The following SUPT3H variants were observed in gnomAD, a reference collection of about 807,000 sequenced individuals.
SUPT3H encodes the protein transcription initiation protein SPT3 homolog.
SUPT3H carries 44 observed loss-of-function variants against 44.3 expected under a neutral mutation model. That is an observed-to-expected ratio of 0.99 (90% CI 0.78 to 1.28). The LOEUF (loss-of-function observed/expected upper bound fraction) is 1.28, where lower values mean the gene tolerates loss of function less well. Among genes scored for constraint, SUPT3H ranks in the 50% most tolerant of loss-of-function variants. The pLI, the probability that SUPT3H is intolerant of heterozygous loss-of-function variation, is 0.00. For synonymous variants in SUPT3H, 124 were observed against 125.6 expected (o/e 0.99, Z 0.09); for missense variants, 380 against 387.1 (o/e 0.98, Z 0.15).
chr6:45,194,660 T>G (rs1034876920), intron 2 of SUPT3H, among the ~76,000 whole-genome samples: 2 of 152,076 alleles, frequency 1.3e-5, no homozygotes, highest in African/African-American at 4.8e-5. Flanking sequence ...TTCTCTAAAG[T>G]GGCATCAAGG....
intron 2 of SUPT3H, among the ~76,000 whole-genome samples, chr6:45,278,855 A>G (rs971348623): frequency 5.9e-5 from 9 of 152,232 alleles, no homozygotes; most frequent in Non-Finnish European, 1.2e-4. Context: ...CAAATTATTC[A>G]TGAATAAGAC....
At chr6:45,134,540 A>T (rs1277226623) in intron 2 of SUPT3H, among the ~76,000 whole-genome samples, 1 of 152,194 alleles carries the variant, frequency 6.6e-6, no homozygotes, top group Non-Finnish European at 1.5e-5. Context: ...GATATGGGTG[A>T]GACTCAAGGC....
chr6:45,296,594 C>T (rs971033535), intron 2 of SUPT3H, among the ~76,000 whole-genome samples: 7 of 151,468 alleles, frequency 4.6e-5, no homozygotes, highest in African/African-American at 9.7e-5. Context: ...TAAAAATTAG[C>T]GAGGCGTGGT....
intron 6 of SUPT3H, among the ~76,000 whole-genome samples, chr6:44,965,447 T>C (rs1012106882): frequency 2.6e-5 from 4 of 152,210 alleles, no homozygotes; most frequent in Non-Finnish European, 4.4e-5. Context: ...ACATGAATGG[T>C]ATTCACAGCA....
chr6:45,000,456 T>C (rs997822132), intron 6 of SUPT3H, among the ~76,000 whole-genome samples: 1 of 152,052 alleles, frequency 6.6e-6, no homozygotes, highest in African/African-American at 2.4e-5. Flanking sequence ...ATGAGTTTTC[T>C]AGTCCACTTA....
intron 2 of SUPT3H, among the ~76,000 whole-genome samples, chr6:45,298,328 A>T (rs770971553): frequency 6.6e-6 from 1 of 152,134 alleles, no homozygotes; most frequent in Non-Finnish European, 1.5e-5. Flanking sequence ...AAAAACTAAA[A>T]TTATTTTTGT....
chr6:45,053,673 C>T (rs1205847327), intron 3 of SUPT3H, among the ~76,000 whole-genome samples: 2 of 141,630 alleles, frequency 1.4e-5, no homozygotes, highest in African/African-American at 5.3e-5. Context: ...CCGAAGCAGG[C>T]GGATCACCAG....
intron 2 of SUPT3H, chr6:45,321,904 T>C (rs549260315): frequency 1.3e-5 from 18 of 1,431,096 alleles, no homozygotes; most frequent in African/African-American, 1.0e-4. Context: ...AGAAAAAAAA[T>C]TGTAATCTCA....
intron 4 of SUPT3H, among the ~76,000 whole-genome samples, chr6:45,018,069 G>C (rs1038251932): frequency 6.6e-6 from 1 of 151,992 alleles, no homozygotes; most frequent in Non-Finnish European, 1.5e-5. Context: ...CATGTCCCTT[G>C]TAAGTTGGAT....
chr6:45,365,157 A>G, intron 2 of SUPT3H, 44 bp downstream of exon 2: 1 of 1,188,488 alleles, frequency 8.4e-7, no homozygotes, highest in Non-Finnish European at 1.2e-6. Flanking sequence ...CAACATGAAT[A>G]AATTTAAAAT....
At chr6:45,263,644 G>A (rs1774770735) in intron 2 of SUPT3H, among the ~76,000 whole-genome samples, 1 of 151,986 alleles carries the variant, frequency 6.6e-6, no homozygotes, top group Non-Finnish European at 1.5e-5. Flanking sequence ...AAAATTGGAG[G>A]AAAAAGGCTA....
chr6:44,835,824 G>C (rs1431281114), intron 10 of SUPT3H, among the ~76,000 whole-genome samples: 1 of 152,030 alleles, frequency 6.6e-6, no homozygotes, highest in Non-Finnish European at 1.5e-5. Context: ...TGGTAGAAGA[G>C]AGACTATGCC....
chr6:45,275,378 G>GA (rs1465604451), intron 2 of SUPT3H, among the ~76,000 whole-genome samples: 1 of 151,682 alleles, frequency 6.6e-6, no homozygotes, highest in African/African-American at 2.4e-5. Flanking sequence ...CATTTTTTTA[G>GA]AAAAAGAAAA....
chr6:45,238,370 C>G (rs1368080747), intron 2 of SUPT3H, among the ~76,000 whole-genome samples: 1 of 152,172 alleles, frequency 6.6e-6, no homozygotes, highest in Non-Finnish European at 1.5e-5. Context: ...ATTTAAAACA[C>G]TGAATGACTT....
intron 2 of SUPT3H, among the ~76,000 whole-genome samples, chr6:45,241,785 G>A (rs1584453399): frequency 1.3e-5 from 2 of 152,100 alleles, no homozygotes; most frequent in South Asian, 4.1e-4. Flanking sequence ...AAATGGAAGG[G>A]GGAAAAAGAA....
chr6:45,051,168 C>T lies in SUPT3H; in HGVS notation c.187-30536G>A, dbSNP rs543825533. 5.9e-5 allele frequency among the ~76,000 whole-genome samples: 9 copies of T among 152,172 alleles called. No homozygotes were observed. The East Asian group carries it at 7.7e-4, about 13-fold the overall frequency. On this transcript the variant is annotated intron_variant, in intron 3 of 10. Coordinates refer to ENST00000371459, the MANE Select transcript of SUPT3H (RefSeq NM_003599.4). The stretch of plus-strand genomic sequence containing the variant: ...CCTCCCAAAGTGCTGGGATTACAGG[C>T]GTGAGCCACTGCGCCCAGCCTGAGG...
chr6:45,135,950 A>C (rs1459585392), intron 2 of SUPT3H, among the ~76,000 whole-genome samples: 2 of 152,174 alleles, frequency 1.3e-5, no homozygotes, highest in African/African-American at 4.8e-5. Flanking sequence ...GCATTGACTG[A>C]GGTTGATAAT....
chr6:45,182,894 T>G (rs918337601), intron 2 of SUPT3H, among the ~76,000 whole-genome samples: 2 of 152,206 alleles, frequency 1.3e-5, no homozygotes, highest in African/African-American at 4.8e-5. Flanking sequence ...TACAAAATGG[T>G]CCAGTCACTG....
chr6:44,928,890 AAAAAAAAAAAAAAAG>A (rs1770024153), intron 10 of SUPT3H, among the ~76,000 whole-genome samples: 1 of 132,394 alleles, frequency 7.6e-6, no homozygotes, highest in South Asian at 2.6e-4. Context: ...CTCAAAAAAA[AAAAAAAAAAAAAAAG>A]AAAAGAAAAG....
Sources: gnomAD v4.1 joint callset for allele counts (sites outside exome capture counted in the v4.1 genomes callset) on GRCh38, gnomAD v4.1.1 for gene constraint, MANE v1.5 for transcripts, NCBI Gene and HGNC (gene_info 2026-07-23, HGNC 2026-07-21) for gene names.